CTNNA2: variants seen among roughly 807,000 people sequenced by gnomAD.
CTNNA2 encodes the protein catenin alpha 2, also known as catenin alpha-2.
Under a neutral mutation model 101.0 loss-of-function variants are expected in CTNNA2, and 42 were observed. The observed-to-expected ratio is 0.42, with a 90% CI of 0.32 to 0.54. The LOEUF (loss-of-function observed/expected upper bound fraction) is 0.54, where lower values mean the gene tolerates loss of function less well. Among genes scored for constraint, CTNNA2 ranks in the 20% least tolerant of loss-of-function variants. The pLI, the probability that CTNNA2 is intolerant of heterozygous loss-of-function variation, is 0.14. For missense variants in CTNNA2, 871 were observed against 1,223.1 expected (o/e 0.71, Z 4.29); for synonymous variants, 450 against 456.4 (o/e 0.99, Z 0.18).
intron 1 of CTNNA2, among the ~76,000 whole-genome samples, chr2:79,647,220 A>T (rs1399821030): frequency 6.6e-6 from 1 of 152,218 alleles, no homozygotes; most frequent in Non-Finnish European, 1.5e-5. Flanking sequence ...GTTGTTCCAC[A>T]TAGAGGAGTG....
chr2:80,511,387 G>C (rs1573083831), intron 9 of CTNNA2, among the ~76,000 whole-genome samples: 1 of 152,238 alleles, frequency 6.6e-6, no homozygotes, highest in East Asian at 1.9e-4. Flanking sequence ...CAAGACGTTG[G>C]GATTGTTAGC....
At chr2:79,247,550 T>C (rs1035717388) in intron 2 of CTNNA2, among the ~76,000 whole-genome samples, 1 of 152,212 alleles carries the variant, frequency 6.6e-6, no homozygotes, top group African/African-American at 2.4e-5. Flanking sequence ...TCTAGCATAA[T>C]ACTTGTCAAA....
intron 2 of CTNNA2, among the ~76,000 whole-genome samples, chr2:79,742,776 A>G (rs1257048023): frequency 6.6e-6 from 1 of 152,116 alleles, no homozygotes; most frequent in South Asian, 2.1e-4. Flanking sequence ...TTTTTTGGCT[A>G]GTGTTTGTAC....
chr2:79,304,412 A>G (rs1246759697), intron 2 of CTNNA2, among the ~76,000 whole-genome samples: 1 of 152,168 alleles, frequency 6.6e-6, no homozygotes. Context: ...AATACATTGG[A>G]TTTTAATGCA....
chr2:80,604,811 C>A (rs567521872), intron 16 of CTNNA2, among the ~76,000 whole-genome samples: 1 of 151,664 alleles, frequency 6.6e-6, no homozygotes, highest in African/African-American at 2.4e-5. Context: ...AAAAAGTTGT[C>A]GCGGACTCTA....
intron 2 of CTNNA2, among the ~76,000 whole-genome samples, chr2:79,287,968 C>G (rs550196341): frequency 1.3e-4 from 20 of 152,228 alleles, no homozygotes; most frequent in African/African-American, 4.3e-4. Flanking sequence ...TTTTTTAAGC[C>G]GGTCGGAAAA....
At chr2:79,202,457 C>T (rs183617485) in intron 2 of CTNNA2, among the ~76,000 whole-genome samples, 9 of 152,154 alleles carry the variant, frequency 5.9e-5, no homozygotes, top group Admixed American at 2.0e-4. Flanking sequence ...ATCCTTCCAC[C>T]TCAGCCTCCC....
chr2:80,360,883 G>A (rs1357211178), intron 7 of CTNNA2, among the ~76,000 whole-genome samples: 2 of 151,906 alleles, frequency 1.3e-5, no homozygotes, highest in Non-Finnish European at 2.9e-5. Context: ...TACTGTTAAT[G>A]TTCTATTGAT....
At chr2:80,163,969 A>AT (rs958158659) in intron 7 of CTNNA2, among the ~76,000 whole-genome samples, 1 of 150,904 alleles carries the variant, frequency 6.6e-6, no homozygotes, top group African/African-American at 2.4e-5. Context: ...ATATATATGT[A>AT]TTTTTTCATC....
chr2:80,272,752 C>T (rs1673597138), intron 7 of CTNNA2, among the ~76,000 whole-genome samples: 2 of 152,090 alleles, frequency 1.3e-5, no homozygotes, highest in Non-Finnish European at 2.9e-5. Flanking sequence ...ATATTTGAGA[C>T]CTACTTATGC....
intron 3 of CTNNA2, among the ~76,000 whole-genome samples, chr2:79,764,590 C>T (rs1673012283): frequency 6.6e-6 from 1 of 152,094 alleles, no homozygotes; most frequent in African/African-American, 2.4e-5. Flanking sequence ...GAAACAAAGA[C>T]AGGATTTGCA....
intron 7 of CTNNA2, among the ~76,000 whole-genome samples, chr2:80,032,996 C>T (rs1162971466): frequency 6.6e-6 from 1 of 151,710 alleles, no homozygotes; most frequent in Non-Finnish European, 1.5e-5. Context: ...ACCAAAAATA[C>T]AAAAATTAAC....
chr2:79,222,442 A>G (rs1486886919), intron 2 of CTNNA2, among the ~76,000 whole-genome samples: 2 of 152,192 alleles, frequency 1.3e-5, no homozygotes, highest in Admixed American at 6.5e-5. Flanking sequence ...GCCAGTGTCA[A>G]TATCAGCAGT....
At chr2:79,873,902 T>C (rs753103339) in intron 5 of CTNNA2, among the ~76,000 whole-genome samples, 174 bp from the exon 6 acceptor site, 2 of 152,028 alleles carry the variant, frequency 1.3e-5, no homozygotes, top group Non-Finnish European at 2.9e-5. Flanking sequence ...CCTAGCTGTC[T>C]CTATAAAACA....
In CTNNA2 at chr2:79,205,935, C is replaced by T. The variant is rs142236305; in HGVS notation, c.-406+7859C>T. 4.4e-3 allele frequency among the ~76,000 whole-genome samples: 671 copies of T among 152,268 alleles called. 7 individuals carry two copies. Among genetic ancestry groups the T allele is most frequent in the African/African-American group, 0.015 (637 of 41,540 alleles). Reference sequence around the variant, plus strand: ...ATTTCCTGCACAGGTTTTGAATGCTCGGCCCTTTCTTGCTTTTTTCCCATT... The same window carrying T: ...ATTTCCTGCACAGGTTTTGAATGCTTGGCCCTTTCTTGCTTTTTTCCCATT... On this transcript the variant is annotated intron_variant, in intron 2 of 21. Transcript: ENST00000466387.
At position 80,120,123 on chromosome 2, in the gene CTNNA2, T is replaced by G. The variant is rs535387360; in HGVS notation, c.1056+210326T>G. ...AACTAGATCGAAGTTCCTCAGTGCTTTTTTTAACAATCATTTTAATTTGTC... is the reference window on the plus strand; with the variant it reads ...AACTAGATCGAAGTTCCTCAGTGCTGTTTTTAACAATCATTTTAATTTGTC... On this transcript the variant is annotated intron_variant, in intron 7 of 18. Transcript: ENST00000402739. Among the ~76,000 whole-genome samples the G allele has an allele frequency of 2.0e-5, 3 of 152,322 alleles. No homozygotes were observed. The South Asian group carries it at 6.2e-4, about 32-fold the overall frequency.
chr2:79,471,227 G>T (rs1670995035), intron 4 of CTNNA2, among the ~76,000 whole-genome samples: 1 of 152,092 alleles, frequency 6.6e-6, no homozygotes, highest in African/African-American at 2.4e-5. Flanking sequence ...ATTATTAGCT[G>T]TTGGAATTTG....
chr2:79,346,516 G>C (rs55948680), intron 3 of CTNNA2, among the ~76,000 whole-genome samples: 12,966 of 152,122 alleles, frequency 0.085, 897 homozygotes, highest in East Asian at 0.34. Flanking sequence ...TCAATAACTA[G>C]ACACTATGGA....
intron 7 of CTNNA2, among the ~76,000 whole-genome samples, chr2:80,006,020 T>C (rs1052344509): frequency 1.2e-4 from 18 of 152,138 alleles, no homozygotes; most frequent in Non-Finnish European, 2.6e-4. Flanking sequence ...CCATAATCCA[T>C]TGCTATTTAG....
Sources: gnomAD v4.1 joint callset for allele counts (sites outside exome capture counted in the v4.1 genomes callset) on GRCh38, gnomAD v4.1.1 for gene constraint, MANE v1.5 for transcripts, NCBI Gene and HGNC (gene_info 2026-07-23, HGNC 2026-07-21) for gene names.